Variants in ICE2 observed in about 807,000 individuals in gnomAD.
The protein encoded by ICE2 is interactor of little elongation complex ELL subunit 2.
In ICE2, 87 loss-of-function variants were observed where a neutral mutation model predicts 105.4. The observed-to-expected ratio is 0.83, with a 90% CI of 0.69 to 0.99. ICE2 has a LOEUF of 0.99. Among genes scored for constraint, ICE2 ranks in the 50% least tolerant of loss-of-function variants. The pLI is 0.00. For missense variants in ICE2, 1,323 were observed against 1,146.7 expected, an observed-to-expected ratio of 1.15 and a Z score of -2.22; for synonymous variants, 399 against 392.0, an observed-to-expected ratio of 1.02 and a Z score of -0.21.
chr15:60,449,419 T>A lies in ICE2; in HGVS notation c.1548A>T (p.Leu516Phe). Residue 516 changes from leucine to phenylalanine, a missense_variant, in exon 10 of 16, where the codon TTA becomes TTT. Leu to Phe is a conservative substitution (Grantham distance 22). Transcript: ENST00000261520. ...SDLKTSDALQLENSQEIETSN... is the reference protein window; with the variant it reads ...SDLKTSDALQFENSQEIETSN... ...AAGTTTCAATTTCCTGAGAATTTTC[T>A]AACTGTAAGGCATCAGATGTTTTCA... 1 of 1,613,930 alleles carries A rather than the reference T, an allele frequency of 6.2e-7. No homozygotes were observed. The highest frequency in any genetic ancestry group is 1.1e-5 in the South Asian group (1 of 91,084).
chr15:60,460,745 G>C (rs758906471), intron 5 of ICE2, among the ~76,000 whole-genome samples: 2 of 152,052 alleles, frequency 1.3e-5, no homozygotes, highest in African/African-American at 4.8e-5. Context: ...ATGTCCATTA[G>C]GAGGCAAAGT....
At chr15:60,453,123 T>C (rs781666687) in intron 9 of ICE2, 19 of 618,760 alleles carry the variant, frequency 3.1e-5, no homozygotes, top group Non-Finnish European at 3.6e-5. Context: ...TCTCAGCTAC[T>C]CGGGAGTCTG....
rs778576673 is a variant in ICE2 at position 60,428,426 on chromosome 15, T to C, written c.2820+3A>G. ...GAACCTTTAATTTCAAAAAAGATCT[T>C]ACCTTTTGTTGTGTTGTGGTATCCA... On this transcript the variant is annotated splice_donor_region_variant and intron_variant, in intron 15 of 15. Transcript: ENST00000261520. The C allele has an allele frequency of 1.7e-5, 28 of 1,608,536 alleles. No individual in the cohort carries two copies. Among genetic ancestry groups the C allele is most frequent in the Middle Eastern group, 1.7e-4 (1 of 6,052 alleles).
intron 13 of ICE2, among the ~76,000 whole-genome samples, chr15:60,432,847 G>A (rs1172253917): frequency 1.3e-5 from 2 of 151,998 alleles, no homozygotes; most frequent in African/African-American, 4.8e-5. Flanking sequence ...AGCCGAGATG[G>A]CGTTACTGCA....
At chr15:60,436,536 G>T (rs955681565) in intron 12 of ICE2, among the ~76,000 whole-genome samples, 6 of 151,802 alleles carry the variant, frequency 4.0e-5, no homozygotes, top group African/African-American at 1.5e-4. Context: ...AAATACTGGT[G>T]TTTCTAATTC....
At chr15:60,472,883 T>C (rs2064643811) in intron 3 of ICE2, among the ~76,000 whole-genome samples, 2 of 152,020 alleles carry the variant, frequency 1.3e-5, no homozygotes, top group South Asian at 2.1e-4. Flanking sequence ...AAATTTTTAG[T>C]GTGAAAAGAG....
chr15:60,475,343 G>A (rs1259728262), intron 3 of ICE2, among the ~76,000 whole-genome samples: 2 of 152,020 alleles, frequency 1.3e-5, no homozygotes, highest in African/African-American at 4.8e-5. Flanking sequence ...TTAGCAATTT[G>A]GCAATATCTA....
intron 9 of ICE2, 94 bp from the exon 10 acceptor site, chr15:60,449,935 T>C (rs1264931543): frequency 2.3e-6 from 2 of 888,376 alleles, no homozygotes; most frequent in Non-Finnish European, 1.7e-6. Context: ...TACTTCCTGC[T>C]CTTTTAAAGT....
At chr15:60,444,789 A>G (rs755691594) in intron 11 of ICE2, among the ~76,000 whole-genome samples, 4 of 152,106 alleles carry the variant, frequency 2.6e-5, no homozygotes, top group African/African-American at 9.7e-5. Context: ...GGTTCAAGCG[A>G]TTCTCCTGCC....
intron 11 of ICE2, among the ~76,000 whole-genome samples, chr15:60,445,258 G>C (rs775679651): frequency 1.6e-4 from 24 of 152,178 alleles, no homozygotes; most frequent in Non-Finnish European, 2.8e-4. Context: ...TAATTTTGCT[G>C]AATTAGTTTA....
chr15:60,438,800 T>C (rs1191177628), intron 12 of ICE2: 5 of 152,196 alleles, frequency 3.3e-5, no homozygotes, highest in African/African-American at 1.2e-4. Flanking sequence ...GTGCTTAAGA[T>C]ACTCATCACC....
chr15:60,473,017 C>T (rs11637887), intron 3 of ICE2, among the ~76,000 whole-genome samples: 24,013 of 151,678 alleles, frequency 0.16, 2,099 homozygotes, highest in Middle Eastern at 0.32. Flanking sequence ...GATCATGGCT[C>T]ACTGTAGCCT....
intron 14 of ICE2, among the ~76,000 whole-genome samples, chr15:60,431,195 T>C (rs922836811): frequency 6.6e-6 from 1 of 151,900 alleles, no homozygotes; most frequent in Non-Finnish European, 1.5e-5. Context: ...TTTTTTTTTT[T>C]AATCTTGAAA....
Position 60,468,123 on chromosome 15 carries a change from C to A in ICE2, c.346G>T (p.Ala116Ser), listed in dbSNP as rs745504003. The A allele has an allele frequency of 1.9e-6, 3 of 1,613,702 alleles. No homozygotes were observed. Among genetic ancestry groups the A allele is most frequent in the Non-Finnish European group, 2.5e-6 (3 of 1,179,790 alleles). ...RSYVDLLVKY[A>S]KIPANSKAVG... ...GCTTTGGAATTTGCAGGAATCTTTG[C>A]GTATTTAACCAACAAGTCCACATAA... Residue 116 changes from alanine (A) to serine (S), a missense_variant, in exon 4 of 16, where the codon GCA becomes TCA. Transcript: ENST00000261520.
intron 11 of ICE2, 94 bp from the exon 12 acceptor site, chr15:60,442,639 T>A: frequency 1.1e-6 from 1 of 919,750 alleles, no homozygotes; most frequent in Non-Finnish European, 1.6e-6. Flanking sequence ...TTCAAAATGC[T>A]TTCAGGTAAT....
At chr15:60,443,268 C>CTT (rs2063757554) in intron 11 of ICE2, among the ~76,000 whole-genome samples, 1 of 152,218 alleles carries the variant, frequency 6.6e-6, no homozygotes, top group East Asian at 1.9e-4. Context: ...AAACTCTACT[C>CTT]TTAACAGGAG....
intron 8 of ICE2, chr15:60,454,622 C>T (rs897785577): frequency 6.3e-6 from 1 of 158,754 alleles, no homozygotes; most frequent in Non-Finnish European, 1.4e-5. Flanking sequence ...TAAATCAGTA[C>T]TTTGATATCT....
intron 9 of ICE2, chr15:60,451,637 A>C: frequency 3.0e-6 from 3 of 984,254 alleles, no homozygotes; most frequent in Non-Finnish European, 3.6e-6. Flanking sequence ...ATCCAGAAAA[A>C]GCATTTTACT....
rs563805138 is a variant in ICE2, at chr15:60,420,819, C to T, written c.*2815G>A. 2 of 152,034 alleles carry T rather than the reference C, an allele frequency of 1.3e-5. No individual in the cohort carries two copies. Among genetic ancestry groups the T allele is most frequent in the Non-Finnish European group, 2.9e-5 (2 of 68,016 alleles). The allele number at this position is 152,034 out of a possible 1,614,324, so 9.4% of individuals were successfully genotyped here. A position where few individuals can be genotyped will look rare whatever the true frequency, so the allele number is the denominator to read the frequency against. On this transcript the variant is annotated 3_prime_UTR_variant, in exon 16 of 16. Coordinates refer to ENST00000261520, the MANE Select transcript of ICE2 (RefSeq NM_024611.6). ...TCACATAAAGCAGTATAGTGTCTTC[C>T]ACTAGAATGTGATCTCCTGAAAAAA...
Sources: gnomAD v4.1 joint callset for allele counts (sites outside exome capture counted in the v4.1 genomes callset) on GRCh38, gnomAD v4.1.1 for gene constraint, MANE v1.5 for transcripts, NCBI Gene and HGNC (gene_info 2026-07-23, HGNC 2026-07-21) for gene names.